Variants in ZDHHC14 observed in about 807,000 individuals in gnomAD.
ZDHHC14 encodes palmitoyltransferase ZDHHC14.
A neutral mutation model predicts 47.7 loss-of-function variants in ZDHHC14; 16 were observed. The ratio of observed to expected loss-of-function variants is 0.34; its 90% CI spans 0.23 to 0.51. ZDHHC14 has a LOEUF of 0.51. Among genes scored for constraint, ZDHHC14 ranks in the 20% least tolerant of loss-of-function variants. The probability of loss-of-function intolerance (pLI) is 0.97; values close to 1 mark genes in which losing one functional copy is unlikely to be tolerated. For synonymous variants in ZDHHC14, 293 were observed against 278.9 expected (o/e 1.05, Z -0.50); for missense variants, 515 against 662.5 (o/e 0.78, Z 2.44).
At chr6:157,660,541 G>A (rs943201012) in intron 8 of ZDHHC14, among the ~76,000 whole-genome samples, 1 of 152,162 alleles carries the variant, frequency 6.6e-6, no homozygotes, top group Admixed American at 6.5e-5. Flanking sequence ...AAGCCCTCAA[G>A]CTGGAACCAG....
At chr6:157,516,979 G>A (rs1008379490) in intron 1 of ZDHHC14, among the ~76,000 whole-genome samples, 11 of 152,160 alleles carry the variant, frequency 7.2e-5, no homozygotes, top group Non-Finnish European at 1.5e-4. Context: ...CTAGCAACAT[G>A]GCAAGAGGGA....
At chr6:157,402,314 G>A (rs906464402) in intron 1 of ZDHHC14, among the ~76,000 whole-genome samples, 1 of 151,672 alleles carries the variant, frequency 6.6e-6, no homozygotes, top group Non-Finnish European at 1.5e-5. Flanking sequence ...ATATGCACCT[G>A]CTGAGGTCGC....
chr6:157,588,295 T>A (rs1783770798), intron 2 of ZDHHC14, among the ~76,000 whole-genome samples: 1 of 150,876 alleles, frequency 6.6e-6, no homozygotes, highest in Admixed American at 6.6e-5. Flanking sequence ...ATAAATAATT[T>A]AAAAAATTTA....
chr6:157,398,957 A>G (rs1471664073), intron 1 of ZDHHC14, among the ~76,000 whole-genome samples: 2 of 152,222 alleles, frequency 1.3e-5, no homozygotes, highest in East Asian at 3.8e-4. Context: ...CCAAAGAAAA[A>G]TGATTTTACT....
chr6:157,434,061 C>T (rs1778392125), intron 1 of ZDHHC14, among the ~76,000 whole-genome samples: 1 of 152,088 alleles, frequency 6.6e-6, no homozygotes, highest in South Asian at 2.1e-4. Context: ...GTTTTTGACC[C>T]TCCTGAGATA....
At chr6:157,598,406 T>C (rs1469631122) in intron 3 of ZDHHC14, among the ~76,000 whole-genome samples, 2 of 152,152 alleles carry the variant, frequency 1.3e-5, no homozygotes, top group African/African-American at 2.4e-5. Context: ...CGCTATCTCT[T>C]CATTTCACCA....
chr6:157,575,430 G>A (rs1418837018), intron 2 of ZDHHC14, among the ~76,000 whole-genome samples: 1 of 152,174 alleles, frequency 6.6e-6, no homozygotes, highest in Non-Finnish European at 1.5e-5. Context: ...TGGCTACAGG[G>A]TTCTGTGTGG....
intron 1 of ZDHHC14, among the ~76,000 whole-genome samples, chr6:157,413,588 T>TC (rs769754273): frequency 1.3e-4 from 20 of 151,944 alleles, no homozygotes; most frequent in Non-Finnish European, 2.5e-4. Context: ...TTCCTTCCTT[T>TC]CTTTTTTTTT....
intron 1 of ZDHHC14, among the ~76,000 whole-genome samples, chr6:157,422,003 A>C (rs993170409): frequency 6.6e-6 from 1 of 152,190 alleles, no homozygotes; most frequent in Non-Finnish European, 1.5e-5. Context: ...CCTCATAACG[A>C]TTCTGAGGGG....
At chr6:157,396,704 T>C (rs1777530364) in intron 1 of ZDHHC14, among the ~76,000 whole-genome samples, 1 of 152,150 alleles carries the variant, frequency 6.6e-6, no homozygotes, top group Non-Finnish European at 1.5e-5. Context: ...ATAAGCAAAT[T>C]TTGCACAGAT....
At chr6:157,628,317 C>T in intron 3 of ZDHHC14, 32 bp from the exon 4 acceptor site, 1 of 1,561,414 alleles carries the variant, frequency 6.4e-7, no homozygotes, top group South Asian at 1.2e-5. Flanking sequence ...AATTGATTTC[C>T]ACTTTTTTTT....
At chr6:157,467,317 C>A (rs1433307619) in intron 1 of ZDHHC14, among the ~76,000 whole-genome samples, 1 of 152,022 alleles carries the variant, frequency 6.6e-6, no homozygotes, top group East Asian at 1.9e-4. Flanking sequence ...CAGTTGCTCC[C>A]CCTGTCCTAC....
intron 1 of ZDHHC14, among the ~76,000 whole-genome samples, chr6:157,407,134 G>A (rs1228979040): frequency 6.6e-6 from 1 of 152,164 alleles, no homozygotes; most frequent in Non-Finnish European, 1.5e-5. Flanking sequence ...AGGTGGTTTC[G>A]TGGCTCAAAG....
intron 3 of ZDHHC14, among the ~76,000 whole-genome samples, chr6:157,618,413 C>G (rs867268631): frequency 5.9e-5 from 9 of 152,146 alleles, no homozygotes; most frequent in African/African-American, 2.2e-4. Flanking sequence ...CCTCCGCCTC[C>G]TGGGTTCAAG....
rs185554548 is a variant in ZDHHC14 at position 157,400,150 on chromosome 6, T to C, written c.245+17884T>C. Among the ~76,000 whole-genome samples, 41 of 152,358 alleles carry C rather than the reference T, an allele frequency of 2.7e-4. No individual in the cohort carries two copies. The South Asian group carries it at 7.1e-3, about 26-fold the overall frequency. On this transcript the variant is annotated intron_variant, in intron 1 of 8. Transcript: ENST00000359775. ...CCCCTTCCTGCTGCTTCCCTGGACC[T>C]TGGTGTGGTCCACGCTTGGGCAGCT...
At chr6:157,607,208 C>A (rs1448901626) in intron 3 of ZDHHC14, among the ~76,000 whole-genome samples, 1 of 152,148 alleles carries the variant, frequency 6.6e-6, no homozygotes, top group African/African-American at 2.4e-5. Context: ...ATCACACACA[C>A]AAGAAATCTC....
chr6:157,411,704 T>C (rs1777873010), intron 1 of ZDHHC14, among the ~76,000 whole-genome samples: 1 of 151,174 alleles, frequency 6.6e-6, no homozygotes, highest in Non-Finnish European at 1.5e-5. Context: ...TCTATAATTA[T>C]TTCAAAATAA....
chr6:157,392,953 C>T lies in ZDHHC14; in HGVS notation c.245+10687C>T, dbSNP rs574491078. Reference sequence around the variant, plus strand: ...GGAGTGCAATGGCGCCATCTCGGCTCACCACAACCTCTGCCTCCCGTGTTC... The same window carrying T: ...GGAGTGCAATGGCGCCATCTCGGCTTACCACAACCTCTGCCTCCCGTGTTC... On this transcript the variant is annotated intron_variant, in intron 1 of 8. Coordinates refer to ENST00000359775, the MANE Select transcript of ZDHHC14 (RefSeq NM_024630.3). Among the ~76,000 whole-genome samples, 5 of 152,214 alleles carry T rather than the reference C, an allele frequency of 3.3e-5. No homozygotes were observed. The South Asian group carries it at 1.0e-3, about 32-fold the overall frequency.
At chr6:157,602,634 C>T (rs900962707) in intron 3 of ZDHHC14, among the ~76,000 whole-genome samples, 9 of 151,960 alleles carry the variant, frequency 5.9e-5, no homozygotes, top group African/African-American at 1.9e-4. Context: ...GGGTACTGAA[C>T]GGTAGGACAG....
Sources: allele counts gnomAD v4.1 joint callset (sites outside exome capture counted in the v4.1 genomes callset), GRCh38; gene constraint gnomAD v4.1.1; transcripts MANE v1.5; gene names NCBI Gene and HGNC (gene_info 2026-07-23, HGNC 2026-07-21).